The following TMEM154 variants were observed in gnomAD, a reference collection of about 807,000 sequenced individuals.
TMEM154 encodes transmembrane protein 154.
A neutral mutation model predicts 24.5 loss-of-function variants in TMEM154; 27 were observed. The ratio of observed to expected loss-of-function variants is 1.10; its 90% confidence interval spans 0.81 to 1.52. TMEM154 has a LOEUF of 1.52. Ranked by LOEUF, TMEM154 falls within the 40% of genes most tolerant of loss-of-function variation. The pLI is 0.00. For synonymous variants in TMEM154, 67 were observed against 76.8 expected (o/e 0.87, Z 0.67); for missense variants, 228 against 213.4 (o/e 1.07, Z -0.43).
At chr4:152,656,711 C>T (rs6829186) in intron 1 of TMEM154, among the ~76,000 whole-genome samples, 77,099 of 151,652 alleles carry the variant, frequency 0.51, 19,625 homozygotes, top group Admixed American at 0.57. Flanking sequence ...CACCTGAGGT[C>T]GGGAGTTCAA....
At chr4:152,677,416 T>A (rs1270027995) in intron 1 of TMEM154, among the ~76,000 whole-genome samples, 1 of 152,250 alleles carries the variant, frequency 6.6e-6, no homozygotes, top group African/African-American at 2.4e-5. Context: ...GTTGGATTCA[T>A]CTAACAAACA....
At chr4:152,661,592 AAATAAC>A (rs1728614226) in intron 1 of TMEM154, among the ~76,000 whole-genome samples, 1 of 152,126 alleles carries the variant, frequency 6.6e-6, no homozygotes, top group African/African-American at 2.4e-5. Flanking sequence ...CATAGGTGAC[AAATAAC>A]AGATGAGGGT....
In TMEM154 at chr4:152,679,989, C is replaced by A; in HGVS notation, c.-56G>T. Reference sequence around the variant, plus strand: ...GATGCTGCGCCGGGCTGCAGCCTCTCTGAAACGTGAACATTTCCTGTTTCC... The same window carrying A: ...GATGCTGCGCCGGGCTGCAGCCTCTATGAAACGTGAACATTTCCTGTTTCC... On this transcript the variant is annotated 5_prime_UTR_variant, in exon 1 of 7. Coordinates refer to ENST00000304385, the MANE Select transcript of TMEM154 (RefSeq NM_152680.3). The A allele has an allele frequency of 6.6e-7, 1 of 1,514,708 alleles. No homozygotes were observed. The highest frequency in any genetic ancestry group is 2.3e-5 in the East Asian group (1 of 43,032). The allele number at this position is 1,514,708 out of a possible 1,614,324, so 93.8% of individuals were successfully genotyped here.
chr4:152,648,363 C>A (rs920043517), intron 3 of TMEM154, among the ~76,000 whole-genome samples: 6 of 152,136 alleles, frequency 3.9e-5, no homozygotes, highest in African/African-American at 1.4e-4. Flanking sequence ...GGCATGGTGG[C>A]ACAGGCCTGT....
chr4:152,628,322 G>T lies in TMEM154; in HGVS notation c.*224C>A. ...TTCTCCACCCTCAGAGGCAGCGATG[G>T]ATGGCAGCCAGGCCTTTTCCTAGTA... On this transcript the variant is annotated 3_prime_UTR_variant, in exon 7 of 7. Coordinates refer to ENST00000304385, the MANE Select transcript of TMEM154 (RefSeq NM_152680.3). The T allele has an allele frequency of 1.4e-6, 1 of 719,030 alleles. No individual in the cohort carries two copies. Among genetic ancestry groups the T allele is most frequent in the Non-Finnish European group, 2.3e-6 (1 of 433,796 alleles). 44.5% of individuals were successfully genotyped at this position (719,030 alleles called of 1,614,324 possible).
Position 152,644,434 on chromosome 4 carries a change from C to T in TMEM154, c.373G>A (p.Gly125Arg). ...ACTTACACTTTCACGTTTTCACTTC[C>T]CAGTTCATCTAAAAGGAAATGAACA... ...SQSALQTYEL[G>R]SENVKVPIFE... The change falls in exon 4 of 7, where the codon GGA becomes AGA. Residue 125 changes from glycine (G) to arginine (R), a missense_variant. Gly to Arg is a moderately radical substitution (Grantham distance 125). Transcript: ENST00000304385. The T allele has an allele frequency of 1.9e-6, 3 of 1,614,150 alleles. No individual in the cohort carries two copies. The highest frequency in any genetic ancestry group is 2.5e-6 in the Non-Finnish European group (3 of 1,180,036).
At chr4:152,641,515 A>G (rs1752254827) in intron 5 of TMEM154, 1 of 152,342 alleles carries the variant, frequency 6.6e-6, no homozygotes. Flanking sequence ...TTTAGTTGTC[A>G]AATAGAAATG....
At chr4:152,639,941 A>C (rs1007079485) in intron 6 of TMEM154, among the ~76,000 whole-genome samples, 8 of 152,010 alleles carry the variant, frequency 5.3e-5, no homozygotes, top group Non-Finnish European at 1.0e-4. Context: ...ATGTGAGGAG[A>C]GATTTGGGAT....
chr4:152,677,690 C>T (rs1213576678), intron 1 of TMEM154, among the ~76,000 whole-genome samples: 4 of 152,224 alleles, frequency 2.6e-5, no homozygotes, highest in African/African-American at 9.6e-5. Context: ...TAGGTAATCC[C>T]TGCACTCTAC....
In TMEM154 at chr4:152,640,912, T is replaced by C; in HGVS notation, c.536+16A>G. 8.8e-7 allele frequency: 1 copy of C among 1,134,692 alleles called. No individual in the cohort carries two copies. The allele number at this position is 1,134,692 out of a possible 1,614,324, so 70.3% of individuals were successfully genotyped here. On this transcript the variant is annotated intron_variant, in intron 6 of 6. Transcript: ENST00000304385. ...CCCGCCATATACATGTAATCTGTGG[T>C]AGAAATGAGAAGTACCTTGGGTTGT...
At chr4:152,666,742 A>G (rs939810073) in intron 1 of TMEM154, 3 of 152,242 alleles carry the variant, frequency 2.0e-5, no homozygotes, top group African/African-American at 7.2e-5. Context: ...GACTAAAATG[A>G]GAATAACCAT....
intron 1 of TMEM154, among the ~76,000 whole-genome samples, chr4:152,655,400 A>G (rs949050993): frequency 2.0e-5 from 3 of 152,204 alleles, no homozygotes; most frequent in Admixed American, 6.5e-5. Flanking sequence ...TACACTGTGC[A>G]ATGGCATTGC....
chr4:152,626,739 T>C lies in TMEM154; in HGVS notation c.*1807A>G, dbSNP rs1463019948. On this transcript the variant is annotated 3_prime_UTR_variant, in exon 7 of 7. Coordinates refer to ENST00000304385, the MANE Select transcript of TMEM154 (RefSeq NM_152680.3). Reference sequence around the variant, plus strand: ...TAAAGGCCCAGGTGTTCAAAGATCTTAGATACCTAAAGAGAGAAAGGGGCA... The same window carrying C: ...TAAAGGCCCAGGTGTTCAAAGATCTCAGATACCTAAAGAGAGAAAGGGGCA... 6.6e-6 allele frequency: 1 copy of C among 152,198 alleles called. No individual in the cohort carries two copies. The highest frequency in any genetic ancestry group is 1.5e-5 in the Non-Finnish European group (1 of 68,034). The allele number at this position is 152,198 out of a possible 1,614,324, so 9.4% of individuals were successfully genotyped here. A position where few individuals can be genotyped will look rare whatever the true frequency, so the allele number is the denominator to read the frequency against.
rs770657328 is a variant in TMEM154 at position 152,628,580 on chromosome 4, A to AC, written c.537-20_537-19insG. On this transcript the variant is annotated intron_variant, in intron 6 of 6. Transcript: ENST00000304385. The stretch of plus-strand genomic sequence containing the variant: ...ACTGTCACTGTAAAAAAAAAAAAAA[A>AC]AAAAAAAAAAAACAAAAAAAACACA... 184 of 1,094,322 alleles carry AC rather than the reference A, an allele frequency of 1.7e-4. No homozygotes were observed. The African/African-American group carries it at 3.3e-3, about 20-fold the overall frequency. 67.8% of individuals were successfully genotyped at this position (1,094,322 alleles called of 1,614,324 possible).
chr4:152,636,558 A>G (rs2149779065), intron 6 of TMEM154, among the ~76,000 whole-genome samples: 1 of 152,384 alleles, frequency 6.6e-6, no homozygotes, highest in African/African-American at 2.4e-5. Context: ...GCTCAGGAAG[A>G]ATATCCATTC....
rs1382794742 is a variant in TMEM154 at position 152,628,587 on chromosome 4, A to C, written c.537-26T>G. ...CTGTAAAAAAAAAAAAAAAAAAAAA[A>C]AAAAACAAAAAAAACACACACACAC... is the stretch of plus-strand genomic sequence containing the variant. On this transcript the variant is annotated intron_variant, in intron 6 of 6. Transcript: ENST00000304385. 516 of 1,048,072 alleles carry C rather than the reference A, an allele frequency of 4.9e-4. 2 individuals carry two copies. Among genetic ancestry groups the C allele is most frequent in the Non-Finnish European group, 5.8e-4 (470 of 805,376 alleles). The allele number at this position is 1,048,072 out of a possible 1,614,324, so 64.9% of individuals were successfully genotyped here.
chr4:152,633,204 C>A (rs1345294057), intron 6 of TMEM154, among the ~76,000 whole-genome samples: 1 of 152,154 alleles, frequency 6.6e-6, no homozygotes, highest in Admixed American at 6.5e-5. Context: ...GAAGCTCAAG[C>A]TATGGTGCCC....
chr4:152,676,158 GC>G (rs1412325920), intron 1 of TMEM154, among the ~76,000 whole-genome samples: 2 of 152,068 alleles, frequency 1.3e-5, no homozygotes. Context: ...ACCTCTTTCA[GC>G]CCCTCCCTTC....
intron 6 of TMEM154, among the ~76,000 whole-genome samples, chr4:152,634,023 C>A (rs1400898408): frequency 7.6e-6 from 1 of 131,526 alleles, no homozygotes; most frequent in African/African-American, 2.9e-5. Flanking sequence ...GAGAGTGAGA[C>A]CCCATCTCAA....
Sources: allele counts gnomAD v4.1 joint callset (sites outside exome capture counted in the v4.1 genomes callset), GRCh38; gene constraint gnomAD v4.1.1; transcripts MANE v1.5; gene names NCBI Gene and HGNC (gene_info 2026-07-23, HGNC 2026-07-21).